Variants in MARCHF7 observed in about 807,000 individuals in gnomAD.
MARCHF7 encodes membrane associated ring-CH-type finger 7.
A neutral mutation model predicts 76.5 loss-of-function variants in MARCHF7; 20 were observed. The ratio of observed to expected loss-of-function variants is 0.26; its 90% CI spans 0.18 to 0.38. The LOEUF is 0.38. Ranked by LOEUF, MARCHF7 falls within the 10% of genes least tolerant of loss-of-function variation. MARCHF7 has a pLI of 1.00. For missense variants in MARCHF7, 797 were observed against 812.9 expected, an observed-to-expected ratio of 0.98 and a Z score of 0.24; for synonymous variants, 295 against 293.0, an observed-to-expected ratio of 1.01 and a Z score of -0.07.
chr2:159,745,709 T>C (rs754633225), intron 5 of MARCHF7, 61 bp from the exon 6 acceptor site: 275 of 1,138,638 alleles, frequency 2.4e-4, no homozygotes, highest in Non-Finnish European at 3.2e-4. Context: ...TTACTGAAGA[T>C]TGTCATCATC....
Position 159,762,895 on chromosome 2 carries a change from A to T in MARCHF7, c.1909A>T (p.Ile637Phe). 6.2e-7 allele frequency: 1 copy of T among 1,607,872 alleles called. No individual in the cohort carries two copies. Among genetic ancestry groups the T allele is most frequent in the Non-Finnish European group, 8.5e-7 (1 of 1,177,768 alleles). The stretch of plus-strand genomic sequence containing the variant: ...CCTGTTGAAGGCTGAGTATGAGTTT[A>T]TCAGCTCTGGTCTCTACCTAGTGGT... The part of the protein sequence containing the change: ...HANEQAEYEF[I>F]SSGLYLVVLL... The change falls in exon 10 of 12, where the codon ATC becomes TTC. Residue 637 changes from isoleucine to phenylalanine, a missense_variant. Transcript: ENST00000409175.
intron 4 of MARCHF7, among the ~76,000 whole-genome samples, chr2:159,734,807 A>G (rs1056252921): frequency 6.7e-6 from 1 of 149,990 alleles, no homozygotes; most frequent in Non-Finnish European, 1.5e-5. Context: ...CCCCTCTCTA[A>G]AAATAAAATG....
intron 5 of MARCHF7, 144 bp from the exon 6 acceptor site, chr2:159,745,626 A>C (rs1233903698): frequency 1.3e-5 from 7 of 535,866 alleles, no homozygotes; most frequent in Non-Finnish European, 2.1e-5. Flanking sequence ...ACTACACTCC[A>C]GCCTGGGTGA....
rs778009597 is a variant in MARCHF7, at chr2:159,743,233, A to G, written c.326A>G (p.Asn109Ser). 2.5e-6 allele frequency: 4 copies of G among 1,613,970 alleles called. No individual in the cohort carries two copies. In the African/African-American group the frequency reaches 5.3e-5, roughly 22 times the overall value. ...CTTSAGRNVG[N>S]GLNTLSDSSW... ...ACCTCAGCTGGGAGAAATGTTGGAA[A>G]TGGTTTAAACACATTATCAGGTAAG... The change falls in exon 5 of 12, where the codon AAT becomes AGT. Residue 109 changes from asparagine (N) to serine (S), a missense_variant. Physicochemically the swap from Asn to Ser is conservative, Grantham distance 46 (BLOSUM62 1). This residue lies in a region of MARCHF7 where 643 missense variants were observed against 631.5 expected (regional missense o/e 1.02). Coordinates refer to ENST00000409175, the MANE Select transcript of MARCHF7 (RefSeq NM_001282805.2).
intron 3 of MARCHF7, among the ~76,000 whole-genome samples, chr2:159,726,995 A>G (rs909255810): frequency 6.6e-6 from 1 of 152,216 alleles, no homozygotes; most frequent in Non-Finnish European, 1.5e-5. Context: ...GTATTAGACT[A>G]TACCATCTAG....
chr2:159,719,383 C>A (rs895200365), intron 3 of MARCHF7, among the ~76,000 whole-genome samples: 4 of 151,998 alleles, frequency 2.6e-5, no homozygotes, highest in African/African-American at 9.7e-5. Flanking sequence ...CTTGACCACC[C>A]CCCACCACCA....
chr2:159,741,925 T>C (rs1704173961), intron 4 of MARCHF7, among the ~76,000 whole-genome samples: 2 of 152,186 alleles, frequency 1.3e-5, no homozygotes, highest in Non-Finnish European at 2.9e-5. Context: ...TGTGTGTGTG[T>C]CCAGATAATT....
intron 3 of MARCHF7, 68 bp from the exon 4 acceptor site, chr2:159,728,941 A>T (rs1472333173): frequency 2.3e-6 from 2 of 881,168 alleles, no homozygotes; most frequent in African/African-American, 3.5e-5. Context: ...CTGATGATTA[A>T]GGAGGATTAA....
chr2:159,742,490 A>G (rs1206564267), intron 4 of MARCHF7, among the ~76,000 whole-genome samples: 1 of 152,162 alleles, frequency 6.6e-6, no homozygotes, highest in African/African-American at 2.4e-5. Context: ...GAAAAAAACA[A>G]ATATTAGGAA....
intron 4 of MARCHF7, among the ~76,000 whole-genome samples, chr2:159,740,085 G>C (rs1177508361): frequency 6.6e-6 from 1 of 152,154 alleles, no homozygotes; most frequent in Non-Finnish European, 1.5e-5. Context: ...CCCTAAATCT[G>C]ATGAATTTTT....
chr2:159,767,099 G>A (rs1707886208), intron 11 of MARCHF7, among the ~76,000 whole-genome samples, 185 bp from the exon 12 acceptor site: 1 of 152,120 alleles, frequency 6.6e-6, no homozygotes, highest in Admixed American at 6.5e-5. Context: ...GGGGAGAATT[G>A]TGGTTGGGTA....
chr2:159,759,309 C>T lies in MARCHF7; in HGVS notation c.1867C>T (p.Leu623=). 1.2e-6 allele frequency: 2 copies of T among 1,606,280 alleles called. No individual in the cohort carries two copies. The highest frequency in any genetic ancestry group is 1.7e-6 in the Non-Finnish European group (2 of 1,173,758). ...LNLEDFDIHE[L]HRAHANEQAE... ...CCTGGAGGATTTTGATATTCATGAA[C>T]TACATAGAGCTCATGCAAATGAACA... Residue 623 remains leucine (L), a synonymous_variant, in exon 9 of 12, where the codon CTA becomes TTA. Transcript: ENST00000409175.
intron 4 of MARCHF7, among the ~76,000 whole-genome samples, chr2:159,737,042 C>T (rs916368388): frequency 6.6e-6 from 1 of 152,144 alleles, no homozygotes; most frequent in Non-Finnish European, 1.5e-5. Context: ...AATCTGTTAC[C>T]TGTCTGGGTA....
At chr2:159,743,966 T>C (rs1374761173) in intron 5 of MARCHF7, among the ~76,000 whole-genome samples, 5 of 144,232 alleles carry the variant, frequency 3.5e-5, no homozygotes, top group Non-Finnish European at 6.1e-5. Context: ...GTTATTTTAG[T>C]AGGAGTTCTT....
chr2:159,741,887 G>T (rs1704168330), intron 4 of MARCHF7, among the ~76,000 whole-genome samples: 1 of 152,032 alleles, frequency 6.6e-6, no homozygotes, highest in Admixed American at 6.6e-5. Context: ...CCAAATCTGT[G>T]TTTCTTAGTT....
intron 8 of MARCHF7, among the ~76,000 whole-genome samples, chr2:159,757,673 C>T (rs925257901): frequency 3.3e-5 from 5 of 152,180 alleles, no homozygotes; most frequent in Admixed American, 1.3e-4. Flanking sequence ...AAATGGGTTG[C>T]TCCCGGCTGA....
At chr2:159,762,845 AT>A in intron 9 of MARCHF7, 34 bp from the exon 10 acceptor site, 1 of 1,310,484 alleles carries the variant, frequency 7.6e-7, no homozygotes, top group African/African-American at 1.5e-5. Flanking sequence ...CATTCTCTGT[AT>A]TTTTCTTTTC....
At chr2:159,733,842 G>A (rs1703119816) in intron 4 of MARCHF7, 1 of 1,176,700 alleles carries the variant, frequency 8.5e-7, no homozygotes, top group Non-Finnish European at 1.1e-6. Context: ...TCACTTACAC[G>A]ATTATTATGT....
rs546382900 is a variant in MARCHF7, at chr2:159,769,843, A to G, written c.*2501A>G. On this transcript the variant is annotated 3_prime_UTR_variant, in exon 12 of 12. Transcript: ENST00000409175. The stretch of plus-strand genomic sequence containing the variant: ...ATTTAAGAGCAGCACTGCCCAATAA[A>G]ACTTCCTATAATGAAAATGTTCTAT... 2.6e-5 allele frequency: 4 copies of G among 152,314 alleles called. No homozygotes were observed. The East Asian group carries it at 7.7e-4, about 29-fold the overall frequency. The allele number at this position is 152,314 out of a possible 1,614,324, so 9.4% of individuals were successfully genotyped here. A position where few individuals can be genotyped will look rare whatever the true frequency, so the allele number is the denominator to read the frequency against.
Sources: allele counts gnomAD v4.1 joint callset (sites outside exome capture counted in the v4.1 genomes callset), GRCh38; gene constraint gnomAD v4.1.1; regional missense constraint gnomAD v4.1.1; transcripts MANE v1.5; gene names NCBI Gene and HGNC (gene_info 2026-07-23, HGNC 2026-07-21).